The following PHF8 variants were observed in gnomAD, a reference collection of about 807,000 sequenced individuals.
PHF8 encodes histone lysine demethylase PHF8.
In PHF8, 9 loss-of-function variants were observed where a neutral mutation model predicts 74.4. The ratio of observed to expected loss-of-function variants is 0.12; its 90% CI spans 0.07 to 0.21. PHF8 has a LOEUF of 0.21. PHF8 is among the 10% of genes least tolerant of loss of function. The pLI is 1.00. For synonymous variants in PHF8, 311 were observed against 316.6 expected, an observed-to-expected ratio of 0.98 and a Z score of 0.19; for missense variants, 478 against 816.6, an observed-to-expected ratio of 0.59 and a Z score of 5.05.
intron 18 of PHF8, among the ~76,000 whole-genome samples, chrX:53,966,935 G>A (rs1191868035): frequency 3.6e-5 from 4 of 110,685 alleles, no homozygotes; most frequent in African/African-American, 9.8e-5. Context: ...CCCCGTCTGG[G>A]AGGTGAGGAG....
chrX:54,035,154 C>T (rs1485684698), intron 2 of PHF8, among the ~76,000 whole-genome samples: 4 of 108,365 alleles, frequency 3.7e-5, no homozygotes, highest in African/African-American at 1.0e-4. Flanking sequence ...GTCAGGAGTT[C>T]GAGACCAACC....
intron 18 of PHF8, among the ~76,000 whole-genome samples, chrX:53,972,584 T>A (rs1227200587): frequency 8.1e-5 from 9 of 111,351 alleles, no homozygotes; most frequent in South Asian, 3.7e-4. Context: ...ATACCTTTGA[T>A]AAAATTCAAC....
chrX:54,038,881 A>G (rs1200160998), intron 2 of PHF8, among the ~76,000 whole-genome samples: 1 of 111,519 alleles, frequency 9.0e-6, no homozygotes, highest in Non-Finnish European at 1.9e-5. Flanking sequence ...TCACACCTGT[A>G]ATACCAGCAC....
rs139515786 is a variant in PHF8 at position 53,990,752 on chromosome X, A to G, written c.1730+1984T>C. On this transcript the variant is annotated intron_variant, in intron 14 of 21. Coordinates refer to ENST00000338154, the MANE Select transcript of PHF8 (RefSeq NM_015107.3). ...CTACCTTTGTTGTTTGTGTTCCTAC[A>G]TCGTTCATACTCTGCACTTGGCTCT... Among the ~76,000 whole-genome samples the G allele has an allele frequency of 3.9e-3, 429 of 111,421 alleles. 2 individuals carry two copies. Among genetic ancestry groups the G allele is most frequent in the Middle Eastern group, 0.023 (5 of 217 alleles).
chrX:53,984,541 C>A (rs2065530210), intron 18 of PHF8, among the ~76,000 whole-genome samples: 1 of 111,699 alleles, frequency 9.0e-6, no homozygotes, highest in Non-Finnish European at 1.9e-5. Flanking sequence ...AAGGGACAAA[C>A]TGGCCAACGC....
At chrX:53,964,952 T>C (rs1191990706) in intron 18 of PHF8, among the ~76,000 whole-genome samples, 3 of 109,091 alleles carry the variant, frequency 2.8e-5, no homozygotes, top group Middle Eastern at 4.7e-3. Flanking sequence ...TTTAGGGGTA[T>C]ACAGTTTAAG....
chrX:53,995,830 C>T, intron 11 of PHF8, 48 bp from the exon 12 acceptor site: 1 of 805,131 alleles, frequency 1.2e-6, no homozygotes, highest in Non-Finnish European at 1.9e-6. Flanking sequence ...AAAGAGACAA[C>T]TGATTTTGGA....
At position 53,938,519 on chromosome X, in the gene PHF8, T is replaced by C; in HGVS notation, c.*639A>G. 1 of 759,736 alleles carries C rather than the reference T, an allele frequency of 1.3e-6. No homozygotes were observed. The highest frequency in any genetic ancestry group is 1.6e-6 in the Non-Finnish European group (1 of 642,648). 62.6% of individuals were successfully genotyped at this position (759,736 alleles called of 1,213,427 possible). The stretch of plus-strand genomic sequence containing the variant: ...ACAAGTGATAGGAATCACCTTTCTT[T>C]TGAAAGGTAAGTGAAGTTGGCATTT... On this transcript the variant is annotated 3_prime_UTR_variant, in exon 22 of 22. Coordinates refer to ENST00000338154, the MANE Select transcript of PHF8 (RefSeq NM_015107.3).
At chrX:53,969,296 A>C (rs1162137153) in intron 18 of PHF8, among the ~76,000 whole-genome samples, 1 of 111,642 alleles carries the variant, frequency 9.0e-6, no homozygotes, top group Non-Finnish European at 1.9e-5. Flanking sequence ...TCAACATACA[A>C]AAATCAGTAG....
At chrX:54,032,433 T>C (rs2066376315) in intron 2 of PHF8, among the ~76,000 whole-genome samples, 1 of 110,902 alleles carries the variant, frequency 9.0e-6, no homozygotes, top group African/African-American at 3.3e-5. Context: ...ACTGGTAGCA[T>C]GCCAGGTCTG....
chrX:53,966,583 A>C (rs1354655133), intron 18 of PHF8, among the ~76,000 whole-genome samples: 1 of 111,449 alleles, frequency 9.0e-6, no homozygotes, highest in Non-Finnish European at 1.9e-5. Flanking sequence ...GGCTCGCTAC[A>C]ACCTCCACCT....
At position 53,987,145 on chromosome X, in the gene PHF8, G is replaced by T; in HGVS notation, c.1928C>A (p.Pro643His). 1 of 1,191,615 alleles carries T rather than the reference G, an allele frequency of 8.4e-7. No homozygotes were observed. Among genetic ancestry groups the T allele is most frequent in the Non-Finnish European group, 1.1e-6 (1 of 877,822 alleles). Reference protein sequence around the residue: ...IIRPKFPRKLPRAKPCSDPNR... With the variant: ...IIRPKFPRKLHRAKPCSDPNR... ...GGGGTCAGAGCAAGGCTTCGCACGG[G>T]GCAATTTCCGGGGAAATTCTAGAAA... is the stretch of plus-strand genomic sequence containing the variant. Residue 643 changes from proline to histidine, a missense_variant, in exon 16 of 22, where the codon CCC (proline) becomes CAC (histidine). Pro to His is a moderately conservative substitution (Grantham distance 77). Coordinates refer to ENST00000338154, the MANE Select transcript of PHF8 (RefSeq NM_015107.3).
At chrX:54,024,622 T>C (rs1171450731) in intron 2 of PHF8, among the ~76,000 whole-genome samples, 1 of 111,969 alleles carries the variant, frequency 8.9e-6, no homozygotes, top group Non-Finnish European at 1.9e-5. Flanking sequence ...CTTAACTGAA[T>C]GCAGCTTCTC....
chrX:53,947,002 G>C (rs908333098), intron 19 of PHF8, among the ~76,000 whole-genome samples: 2 of 111,514 alleles, frequency 1.8e-5, no homozygotes, highest in Non-Finnish European at 1.9e-5. Flanking sequence ...GGAGCTCAAT[G>C]AACTATTCTA....
At chrX:53,967,333 G>C (rs1338062557) in intron 18 of PHF8, among the ~76,000 whole-genome samples, 8 of 97,984 alleles carry the variant, frequency 8.2e-5, no homozygotes, top group Non-Finnish European at 1.5e-4. Flanking sequence ...TCAGCCCCCC[G>C]CCCGGCCAGC....
At chrX:54,017,333 G>C (rs1369583830) in intron 5 of PHF8, among the ~76,000 whole-genome samples, 2 of 112,172 alleles carry the variant, frequency 1.8e-5, no homozygotes, top group African/African-American at 6.5e-5. Context: ...TGTAGTCTCA[G>C]CTACTCAGGA....
chrX:54,043,253 T>A, intron 1 of PHF8: 1 of 325,862 alleles, frequency 3.1e-6, no homozygotes, highest in Non-Finnish European at 4.0e-6. Flanking sequence ...GACCCTCCTC[T>A]CACCACCTGA....
intron 18 of PHF8, among the ~76,000 whole-genome samples, chrX:53,981,232 A>G (rs1195463395): frequency 1.8e-5 from 2 of 112,032 alleles, no homozygotes; most frequent in Non-Finnish European, 1.9e-5. Context: ...CAAACAAACA[A>G]CAACAAAAAG....
rs782243197 is a variant in PHF8 at position 54,003,815 on chromosome X, C to T, written c.947-1133G>A. On this transcript the variant is annotated intron_variant, in intron 8 of 21. Transcript: ENST00000338154. The stretch of plus-strand genomic sequence containing the variant: ...GCCCTTGCTCTTTAAGCTCTAGTAT[C>T]CATAAGCTGCTTCACACAGTTTTGG... Among the ~76,000 whole-genome samples the T allele has an allele frequency of 9.8e-5, 11 of 112,109 alleles. No individual in the cohort carries two copies. The East Asian group carries it at 2.8e-3, about 28-fold the overall frequency.
Sources: allele counts gnomAD v4.1 joint callset (sites outside exome capture counted in the v4.1 genomes callset), GRCh38; gene constraint gnomAD v4.1.1; transcripts MANE v1.5; gene names NCBI Gene and HGNC (gene_info 2026-07-23, HGNC 2026-07-21).